KCNIP1: variants seen among roughly 807,000 people sequenced by gnomAD.
KCNIP1 encodes potassium voltage-gated channel interacting protein 1.
A neutral mutation model predicts 33.0 loss-of-function variants in KCNIP1; 18 were observed. The ratio of observed to expected loss-of-function variants is 0.55; its 90% CI spans 0.38 to 0.81. The LOEUF is 0.81. Among genes scored for constraint, KCNIP1 ranks in the 30% least tolerant of loss-of-function variants. KCNIP1 has a pLI of 0.00. For missense variants in KCNIP1, 238 were observed against 271.6 expected, an observed-to-expected ratio of 0.88 and a Z score of 0.87; for synonymous variants, 93 against 98.3, an observed-to-expected ratio of 0.95 and a Z score of 0.32.
intron 1 of KCNIP1, among the ~76,000 whole-genome samples, chr5:170,381,562 A>G (rs1207974232): frequency 6.6e-6 from 1 of 152,152 alleles, no homozygotes; most frequent in Non-Finnish European, 1.5e-5. Context: ...TGCTTGGCAA[A>G]AACACGAAGG....
At chr5:170,510,680 C>T (rs529671955) in intron 1 of KCNIP1, among the ~76,000 whole-genome samples, 7 of 152,184 alleles carry the variant, frequency 4.6e-5, no homozygotes, top group East Asian at 3.8e-4. Flanking sequence ...GCTAGCTTCC[C>T]GTACCCCAGC....
chr5:170,540,039 G>A (rs375124723), intron 1 of KCNIP1, among the ~76,000 whole-genome samples: 3 of 152,114 alleles, frequency 2.0e-5, no homozygotes, highest in Non-Finnish European at 2.9e-5. Context: ...GGGTCTCAGC[G>A]GCTCCACTTG....
intron 1 of KCNIP1, among the ~76,000 whole-genome samples, chr5:170,414,151 C>T (rs112093802): frequency 6.6e-6 from 1 of 152,174 alleles, no homozygotes; most frequent in African/African-American, 2.4e-5. Context: ...ATGTCTGCCT[C>T]AGGCAAGGGA....
intron 1 of KCNIP1, among the ~76,000 whole-genome samples, chr5:170,432,367 A>G (rs1372927803): frequency 1.3e-5 from 2 of 152,252 alleles, no homozygotes; most frequent in African/African-American, 4.8e-5. Context: ...TGTATTGGGA[A>G]TGGTGCCTGG....
At chr5:170,485,122 T>C (rs1757060371) in intron 1 of KCNIP1, among the ~76,000 whole-genome samples, 1 of 152,062 alleles carries the variant, frequency 6.6e-6, no homozygotes. Context: ...GTATTTTTAG[T>C]AGAGACGGGA....
chr5:170,640,983 G>A (rs1323941703), intron 1 of KCNIP1, among the ~76,000 whole-genome samples: 1 of 152,098 alleles, frequency 6.6e-6, no homozygotes, highest in Non-Finnish European at 1.5e-5. Context: ...GTTATGCAGA[G>A]GGCTAAAAAA....
intron 1 of KCNIP1, among the ~76,000 whole-genome samples, chr5:170,580,490 A>G (rs1171813804): frequency 3.3e-5 from 5 of 152,144 alleles, no homozygotes; most frequent in Admixed American, 1.3e-4. Flanking sequence ...GAGGCCCCCA[A>G]GTCGGTAGAC....
At chr5:170,362,851 C>T (rs968355828) in intron 1 of KCNIP1, among the ~76,000 whole-genome samples, 3 of 152,210 alleles carry the variant, frequency 2.0e-5, no homozygotes, top group Non-Finnish European at 4.4e-5. Context: ...GGGCCGAGCC[C>T]AGGCTTACTG....
chr5:170,505,418 G>A (rs1299896458), intron 1 of KCNIP1, among the ~76,000 whole-genome samples: 1 of 152,194 alleles, frequency 6.6e-6, no homozygotes, highest in African/African-American at 2.4e-5. Context: ...CAGTTCAAAA[G>A]TTAGTGGTTG....
intron 1 of KCNIP1, among the ~76,000 whole-genome samples, chr5:170,650,861 C>T (rs201220392): frequency 6.6e-6 from 1 of 152,142 alleles, no homozygotes; most frequent in South Asian, 2.1e-4. Context: ...AGGGAAAAAG[C>T]AAGCCACAAT....
intron 1 of KCNIP1, among the ~76,000 whole-genome samples, chr5:170,356,890 G>C (rs956001759): frequency 6.6e-6 from 1 of 152,170 alleles, no homozygotes; most frequent in African/African-American, 2.4e-5. Context: ...TCTGAAGTCT[G>C]TTTAGCTGCA....
rs551250107 is a variant in KCNIP1 at position 170,634,899 on chromosome 5, A to G, written c.62-83859A>G. On this transcript the variant is annotated intron_variant, in intron 1 of 7. Transcript: ENST00000328939. Reference sequence around the variant, plus strand: ...TGGCAACCCTTAAATCACAAACTAGATTGTCAAGAGGACTGCCTGGAATTC... The same window carrying G: ...TGGCAACCCTTAAATCACAAACTAGGTTGTCAAGAGGACTGCCTGGAATTC... Among the ~76,000 whole-genome samples, 15 of 152,324 alleles carry G rather than the reference A, an allele frequency of 9.8e-5. 1 individual carries two copies. The South Asian group carries it at 3.1e-3, about 32-fold the overall frequency.
intron 1 of KCNIP1, among the ~76,000 whole-genome samples, chr5:170,552,578 G>C (rs930248070): frequency 6.6e-6 from 1 of 152,158 alleles, no homozygotes; most frequent in African/African-American, 2.4e-5. Flanking sequence ...AAGATGGAAG[G>C]CTGCTCCAGA....
At chr5:170,645,241 AGG>A (rs1378685062) in intron 1 of KCNIP1, among the ~76,000 whole-genome samples, 5 of 152,236 alleles carry the variant, frequency 3.3e-5, no homozygotes, top group African/African-American at 4.8e-5. Flanking sequence ...CGCCTCAGTC[AGG>A]CTTTAAATGG....
intron 1 of KCNIP1, among the ~76,000 whole-genome samples, chr5:170,424,475 C>T (rs1367379338): frequency 6.6e-6 from 1 of 152,066 alleles, no homozygotes; most frequent in Non-Finnish European, 1.5e-5. Flanking sequence ...TGCATCCCAC[C>T]CCGAGGCTCC....
chr5:170,540,221 CT>C (rs1581296090), intron 1 of KCNIP1, among the ~76,000 whole-genome samples: 1 of 152,188 alleles, frequency 6.6e-6, no homozygotes, highest in African/African-American at 2.4e-5. Context: ...GACTCAGGAG[CT>C]TTCCTGGGGG....
At chr5:170,402,766 A>G (rs1271615259) in intron 1 of KCNIP1, among the ~76,000 whole-genome samples, 2 of 152,160 alleles carry the variant, frequency 1.3e-5, no homozygotes, top group Admixed American at 6.5e-5. Context: ...CACTCTTGGG[A>G]TGGAGGCAGG....
chr5:170,592,482 C>T (rs567481587), intron 1 of KCNIP1, among the ~76,000 whole-genome samples: 2 of 135,956 alleles, frequency 1.5e-5, no homozygotes, highest in South Asian at 2.1e-4. Context: ...CCAAACCTAA[C>T]GCACATTTCA....
At chr5:170,451,726 TG>T (rs1284492924) in intron 1 of KCNIP1, among the ~76,000 whole-genome samples, 8 of 96,608 alleles carry the variant, frequency 8.3e-5, no homozygotes, top group Non-Finnish European at 1.9e-4. Flanking sequence ...TCCTGCATTG[TG>T]TGTGTGTGTG....
Sources: gnomAD v4.1 joint callset for allele counts (sites outside exome capture counted in the v4.1 genomes callset) on GRCh38, gnomAD v4.1.1 for gene constraint, MANE v1.5 for transcripts, NCBI Gene and HGNC (gene_info 2026-07-23, HGNC 2026-07-21) for gene names.